Variants in KSR2 observed in about 807,000 individuals in gnomAD.
KSR2 encodes kinase suppressor of ras 2.
In KSR2, 25 loss-of-function variants were observed where a neutral mutation model predicts 107.8. That is an observed-to-expected ratio of 0.23 (90% CI 0.17 to 0.32). The LOEUF is 0.32. Ranked by LOEUF, KSR2 falls within the 10% of genes least tolerant of loss-of-function variation. The pLI, the probability that KSR2 is intolerant of heterozygous loss-of-function variation, is 1.00. For missense variants in KSR2, 887 were observed against 1,268.9 expected (o/e 0.70, Z 4.57); for synonymous variants, 480 against 507.0 (o/e 0.95, Z 0.71).
At chr12:117,631,874 C>T (rs2136374248) in intron 5 of KSR2, among the ~76,000 whole-genome samples, 2 of 152,278 alleles carry the variant, frequency 1.3e-5, no homozygotes, top group South Asian at 4.1e-4. Flanking sequence ...ATAGAGTCCC[C>T]ATAAAACATT....
At chr12:117,898,338 T>A (rs945031140) in intron 1 of KSR2, among the ~76,000 whole-genome samples, 2 of 151,338 alleles carry the variant, frequency 1.3e-5, no homozygotes, top group African/African-American at 4.8e-5. Context: ...TTTTTAACTT[T>A]TTTTTTTTTT....
chr12:117,841,782 C>T lies in KSR2; in HGVS notation c.472+13646G>A, dbSNP rs181832570. ...CTTAGTTGCTGTGTGACCACCACCC[C>T]CCTCCCAGGCAAGGGCTCTACCTTT... is the stretch of plus-strand genomic sequence containing the variant. On this transcript the variant is annotated intron_variant, in intron 3 of 19. Coordinates refer to ENST00000339824, the MANE Select transcript of KSR2 (RefSeq NM_173598.6). 2.1e-3 allele frequency among the ~76,000 whole-genome samples: 313 copies of T among 152,284 alleles called. 7 individuals carry two copies. The highest frequency in any genetic ancestry group is 1.6e-4 in the Non-Finnish European group (11 of 68,028).
At chr12:117,815,623 G>A (rs568464800) in intron 3 of KSR2, among the ~76,000 whole-genome samples, 1 of 152,198 alleles carries the variant, frequency 6.6e-6, no homozygotes, top group African/African-American at 2.4e-5. Flanking sequence ...ATATGCTAAA[G>A]AGTGCATGAA....
At chr12:117,730,784 G>A (rs113315884) in intron 4 of KSR2, among the ~76,000 whole-genome samples, 8,316 of 152,288 alleles carry the variant, frequency 0.055, 294 homozygotes, top group African/African-American at 0.1. Flanking sequence ...TGCCGGGATT[G>A]CAGACGGAGT....
chr12:117,676,292 T>C (rs1383085796), intron 4 of KSR2, among the ~76,000 whole-genome samples: 1 of 152,136 alleles, frequency 6.6e-6, no homozygotes, highest in African/African-American at 2.4e-5. Context: ...AAAAGGGGCA[T>C]GATGAGCCTG....
At chr12:117,484,836 C>G (rs1304160007) in intron 15 of KSR2, among the ~76,000 whole-genome samples, 1 of 152,168 alleles carries the variant, frequency 6.6e-6, no homozygotes. Context: ...ACAAAAAGAT[C>G]CCCAGGGAAA....
intron 14 of KSR2, among the ~76,000 whole-genome samples, chr12:117,523,431 C>T (rs199851620): frequency 3.9e-5 from 6 of 152,122 alleles, no homozygotes; most frequent in Admixed American, 6.5e-5. Context: ...GGGGAGTCAG[C>T]GCCAGAGTTT....
chr12:117,606,116 G>A (rs1470101938), intron 5 of KSR2, among the ~76,000 whole-genome samples: 1 of 152,066 alleles, frequency 6.6e-6, no homozygotes, highest in Non-Finnish European at 1.5e-5. Flanking sequence ...TTAGGACAGG[G>A]CTTACCTGGC....
chr12:117,620,346 G>A (rs150001966), intron 5 of KSR2, among the ~76,000 whole-genome samples: 1 of 152,262 alleles, frequency 6.6e-6, no homozygotes, highest in Non-Finnish European at 1.5e-5. Context: ...GGAGTTATTT[G>A]TTAAACTGAA....
At chr12:117,543,487 T>G (rs1027631990) in intron 9 of KSR2, among the ~76,000 whole-genome samples, 2 of 152,234 alleles carry the variant, frequency 1.3e-5, no homozygotes, top group Non-Finnish European at 2.9e-5. Flanking sequence ...CTCACTTTAT[T>G]ATTTCACAAA....
intron 14 of KSR2, among the ~76,000 whole-genome samples, chr12:117,509,256 G>GC (rs2137194329): frequency 6.6e-6 from 1 of 152,230 alleles, no homozygotes; most frequent in South Asian, 2.1e-4. Flanking sequence ...TGAATTCTTG[G>GC]CCCCCTCCTC....
chr12:117,862,666 T>C (rs1357623212), intron 1 of KSR2, among the ~76,000 whole-genome samples: 1 of 151,452 alleles, frequency 6.6e-6, no homozygotes, highest in Non-Finnish European at 1.5e-5. Flanking sequence ...AAACAAAACT[T>C]GGAGCCTGGG....
intron 4 of KSR2, among the ~76,000 whole-genome samples, chr12:117,717,200 T>C (rs1887019289): frequency 6.6e-6 from 1 of 152,228 alleles, no homozygotes; most frequent in South Asian, 2.1e-4. Context: ...TCTTGTCTTA[T>C]AATTGCACAT....
chr12:117,486,445 A>C (rs1872466921), intron 14 of KSR2, among the ~76,000 whole-genome samples: 1 of 152,192 alleles, frequency 6.6e-6, no homozygotes, highest in African/African-American at 2.4e-5. Context: ...TGAATGAATG[A>C]ATTCTAGATT....
intron 1 of KSR2, among the ~76,000 whole-genome samples, chr12:117,938,292 T>C (rs1006986588): frequency 6.6e-6 from 1 of 152,090 alleles, no homozygotes. Flanking sequence ...TCTAATGCAT[T>C]TAACGTAAAG....
In KSR2 at chr12:117,766,321, T is replaced by C. The variant is rs185489748; in HGVS notation, c.473-4797A>G. 3.6e-3 allele frequency among the ~76,000 whole-genome samples: 547 copies of C among 152,238 alleles called. 3 individuals are homozygous for C. The highest frequency in any genetic ancestry group is 0.012 in the African/African-American group (513 of 41,538). On this transcript the variant is annotated intron_variant, in intron 3 of 19. Transcript: ENST00000339824. ...AGGGTCATATATCATATGATTCCAT[T>C]TATATGAAAAATCCCAAAGAGGCAA...
chr12:117,508,326 G>A (rs147109783), intron 14 of KSR2, among the ~76,000 whole-genome samples: 14 of 152,200 alleles, frequency 9.2e-5, no homozygotes, highest in Admixed American at 5.9e-4. Context: ...TGTGACACAC[G>A]GCATGCTTCC....
At chr12:117,763,491 A>G (rs1052008195) in intron 3 of KSR2, among the ~76,000 whole-genome samples, 2 of 152,208 alleles carry the variant, frequency 1.3e-5, no homozygotes, top group African/African-American at 4.8e-5. Flanking sequence ...ATAAAGATCC[A>G]ACAACACCAA....
intron 1 of KSR2, among the ~76,000 whole-genome samples, chr12:117,911,156 T>TC (rs1894999804): frequency 8.1e-6 from 1 of 123,550 alleles, no homozygotes; most frequent in African/African-American, 3.7e-5. Flanking sequence ...GCACACATTC[T>TC]TTCTCTCTCT....
Sources: gnomAD v4.1 joint callset for allele counts (sites outside exome capture counted in the v4.1 genomes callset) on GRCh38, gnomAD v4.1.1 for gene constraint, MANE v1.5 for transcripts, NCBI Gene and HGNC (gene_info 2026-07-23, HGNC 2026-07-21) for gene names.